The following CMSS1 variants were observed in gnomAD, a reference collection of about 807,000 sequenced individuals.
The protein encoded by CMSS1 is cms1 ribosomal small subunit homolog.
A neutral mutation model predicts 43.5 loss-of-function variants in CMSS1; 33 were observed. The ratio of observed to expected loss-of-function variants is 0.76; its 90% CI spans 0.57 to 1.01. The LOEUF (loss-of-function observed/expected upper bound fraction) is 1.01, where lower values mean the gene tolerates loss of function less well. Among genes scored for constraint, CMSS1 ranks in the 50% least tolerant of loss-of-function variants. The pLI is 0.00. For synonymous variants in CMSS1, 115 were observed against 117.2 expected, an observed-to-expected ratio of 0.98 and a Z score of 0.12; for missense variants, 313 against 326.4, an observed-to-expected ratio of 0.96 and a Z score of 0.32.
At chr3:99,845,298 T>C (rs1943312319) in intron 1 of CMSS1, among the ~76,000 whole-genome samples, 1 of 152,144 alleles carries the variant, frequency 6.6e-6, no homozygotes, top group Non-Finnish European at 1.5e-5. Flanking sequence ...CATGATAAAA[T>C]CATTCGAATC....
intron 1 of CMSS1, chr3:99,849,388 T>C (rs1286854780): frequency 6.2e-7 from 1 of 1,614,204 alleles, no homozygotes; most frequent in Non-Finnish European, 8.5e-7. Context: ...GTTTTCAATC[T>C]CTCTTCCTAA....
At chr3:100,141,579 C>G in intron 1 of CMSS1, 1 of 456,004 alleles carries the variant, frequency 2.2e-6, no homozygotes, top group Non-Finnish European at 4.4e-6. Flanking sequence ...ACCTGAAAAC[C>G]TAAGGAAAAT....
At chr3:99,881,750 C>G (rs1705736686) in intron 1 of CMSS1, among the ~76,000 whole-genome samples, 1 of 152,168 alleles carries the variant, frequency 6.6e-6, no homozygotes, top group Non-Finnish European at 1.5e-5. Flanking sequence ...CCAGGCTGGT[C>G]TCGAACTCCT....
At chr3:100,048,029 G>A (rs987255145) in intron 1 of CMSS1, among the ~76,000 whole-genome samples, 1 of 152,078 alleles carries the variant, frequency 6.6e-6, no homozygotes, top group Non-Finnish European at 1.5e-5. Flanking sequence ...AAAGTGAAAG[G>A]GTTTAAATTA....
intron 1 of CMSS1, among the ~76,000 whole-genome samples, chr3:99,940,259 G>A (rs1707813490): frequency 6.6e-6 from 1 of 152,220 alleles, no homozygotes; most frequent in African/African-American, 2.4e-5. Flanking sequence ...TGTAGTCCAA[G>A]TTAGGTTTAA....
chr3:100,095,258 AT>A (rs1160263981), intron 1 of CMSS1, among the ~76,000 whole-genome samples: 2 of 152,128 alleles, frequency 1.3e-5, no homozygotes, highest in African/African-American at 4.8e-5. Context: ...TCTTGCCTAT[AT>A]CTACAAAAAT....
At chr3:99,865,434 C>T (rs1174546316) in intron 1 of CMSS1, among the ~76,000 whole-genome samples, 3 of 152,182 alleles carry the variant, frequency 2.0e-5, no homozygotes, top group South Asian at 2.1e-4. Context: ...CCCAAATCAC[C>T]ACCACTAGCA....
At chr3:99,908,172 A>G (rs1224791412) in intron 1 of CMSS1, among the ~76,000 whole-genome samples, 2 of 152,234 alleles carry the variant, frequency 1.3e-5, no homozygotes, top group African/African-American at 4.8e-5. Context: ...AACATAGCCC[A>G]TGCAGCTGGA....
At chr3:99,941,073 A>T (rs900043802) in intron 1 of CMSS1, among the ~76,000 whole-genome samples, 1 of 152,264 alleles carries the variant, frequency 6.6e-6, no homozygotes, top group Non-Finnish European at 1.5e-5. Flanking sequence ...TCTGAAGCAT[A>T]TAAGTTTAGT....
chr3:99,879,565 C>G (rs1471198358), intron 1 of CMSS1, among the ~76,000 whole-genome samples: 1 of 152,140 alleles, frequency 6.6e-6, no homozygotes, highest in Non-Finnish European at 1.5e-5. Context: ...TCATGTCTTT[C>G]AGTCATCCAA....
chr3:99,898,459 A>G (rs1706329851), intron 1 of CMSS1: 2 of 152,182 alleles, frequency 1.3e-5, no homozygotes, highest in Admixed American at 1.3e-4. Context: ...ACATGCACCC[A>G]CTCACACATT....
chr3:100,007,619 A>G (rs761110785), intron 1 of CMSS1, among the ~76,000 whole-genome samples: 8 of 152,184 alleles, frequency 5.3e-5, no homozygotes, highest in Non-Finnish European at 1.2e-4. Context: ...TGGCCCAGAA[A>G]GTGTACAGAT....
intron 1 of CMSS1, among the ~76,000 whole-genome samples, chr3:99,938,577 C>G (rs189790854): frequency 2.0e-5 from 3 of 152,272 alleles, no homozygotes; most frequent in Admixed American, 1.3e-4. Flanking sequence ...TTGCATTTCC[C>G]CCTATCTTTA....
At chr3:100,116,457 G>T (rs1034379745) in intron 1 of CMSS1, among the ~76,000 whole-genome samples, 69 of 152,208 alleles carry the variant, frequency 4.5e-4, no homozygotes, top group Admixed American at 1.5e-3. Context: ...ACAAGAAAAT[G>T]TTCCATAAGC....
In CMSS1 at chr3:100,178,395, G is replaced by A. The variant is rs768638500; in HGVS notation, c.*7G>A. 3.8e-6 allele frequency: 6 copies of A among 1,587,762 alleles called. No individual in the cohort carries two copies. The South Asian group carries it at 4.4e-5, about 12-fold the overall frequency. On this transcript the variant is annotated 3_prime_UTR_variant, in exon 10 of 10. Coordinates refer to ENST00000421999, the MANE Select transcript of CMSS1 (RefSeq NM_032359.4). ...GAAACTGGGCCTTTTCTAAGTCTGT[G>A]TCCTAATGAAGATTCCAGTTTTCAC...
intron 1 of CMSS1, among the ~76,000 whole-genome samples, chr3:99,878,070 A>G (rs1705595120): frequency 6.6e-6 from 1 of 152,208 alleles, no homozygotes; most frequent in South Asian, 2.1e-4. Flanking sequence ...AGAATAGAGG[A>G]AAGAGGATTA....
At chr3:100,087,933 C>T (rs1310721199) in intron 1 of CMSS1, among the ~76,000 whole-genome samples, 2 of 150,250 alleles carry the variant, frequency 1.3e-5, no homozygotes, top group Non-Finnish European at 3.0e-5. Context: ...AGGGTTCAAG[C>T]AATTCTCCTG....
chr3:99,872,182 G>C (rs754018900), intron 1 of CMSS1, among the ~76,000 whole-genome samples: 1 of 151,458 alleles, frequency 6.6e-6, no homozygotes, highest in Non-Finnish European at 1.5e-5. Context: ...GTGGACATCA[G>C]TTTCTTCTGT....
intron 1 of CMSS1, among the ~76,000 whole-genome samples, chr3:100,115,932 T>C (rs1475722584): frequency 2.0e-5 from 3 of 152,250 alleles, no homozygotes; most frequent in Non-Finnish European, 4.4e-5. Flanking sequence ...TGAACAGTTC[T>C]GTAATCTTCC....
Sources: allele counts gnomAD v4.1 joint callset (sites outside exome capture counted in the v4.1 genomes callset), GRCh38; gene constraint gnomAD v4.1.1; transcripts MANE v1.5; gene names NCBI Gene and HGNC (gene_info 2026-07-23, HGNC 2026-07-21).